CSMD3: variants seen among roughly 807,000 people sequenced by gnomAD.
CSMD3 encodes the protein CUB and sushi domain-containing protein 3.
CSMD3 carries 177 observed loss-of-function variants against 435.2 expected under a neutral mutation model. The observed-to-expected ratio is 0.41, with a 90% CI of 0.36 to 0.46. The LOEUF (loss-of-function observed/expected upper bound fraction) is 0.46, where lower values mean the gene tolerates loss of function less well. CSMD3 is among the 20% of genes least tolerant of loss of function. CSMD3 has a pLI of 0.34. For synonymous variants in CSMD3, 1,656 were observed against 1,520.5 expected, an observed-to-expected ratio of 1.09 and a Z score of -2.07; for missense variants, 4,265 against 4,504.6, an observed-to-expected ratio of 0.95 and a Z score of 1.52.
intron 38 of CSMD3, among the ~76,000 whole-genome samples, chr8:112,359,515 A>C (rs1297481390): frequency 6.6e-6 from 1 of 152,200 alleles, no homozygotes; most frequent in Non-Finnish European, 1.5e-5. Flanking sequence ...AAGAGAGTGT[A>C]TCCCTATATC....
chr8:112,799,232 T>C (rs1261610411), intron 13 of CSMD3, among the ~76,000 whole-genome samples: 1 of 129,338 alleles, frequency 7.7e-6, no homozygotes, highest in Non-Finnish European at 1.6e-5. Flanking sequence ...ACAGAATGAA[T>C]GTGTTCTGTC....
At chr8:113,234,527 G>C (rs2093126362) in intron 3 of CSMD3, among the ~76,000 whole-genome samples, 1 of 152,154 alleles carries the variant, frequency 6.6e-6, no homozygotes, top group South Asian at 2.1e-4. Flanking sequence ...TTCAAGCAGA[G>C]CAAGATGTAT....
At chr8:112,229,628 C>T (rs1812902830) in intron 69 of CSMD3, among the ~76,000 whole-genome samples, 1 of 151,994 alleles carries the variant, frequency 6.6e-6, no homozygotes, top group South Asian at 2.1e-4. Flanking sequence ...AGGGTTTCAC[C>T]ATGTTGCCCA....
chr8:113,340,358 A>G (rs1350346707), intron 1 of CSMD3, among the ~76,000 whole-genome samples: 4 of 152,098 alleles, frequency 2.6e-5, no homozygotes, highest in Non-Finnish European at 5.9e-5. Context: ...TTAATTTTAT[A>G]TATATTATAC....
At chr8:112,781,383 A>G (rs2078382103) in intron 13 of CSMD3, among the ~76,000 whole-genome samples, 1 of 152,080 alleles carries the variant, frequency 6.6e-6, no homozygotes, top group Non-Finnish European at 1.5e-5. Flanking sequence ...TTGTCTTGCA[A>G]CTTGGGTACC....
chr8:112,606,578 A>T (rs539643770), intron 22 of CSMD3, among the ~76,000 whole-genome samples: 4 of 152,314 alleles, frequency 2.6e-5, no homozygotes, highest in Admixed American at 2.6e-4. Context: ...ACCCATCAGC[A>T]GCAGAGTACA....
intron 5 of CSMD3, among the ~76,000 whole-genome samples, chr8:113,096,273 A>G (rs1486025521): frequency 6.6e-6 from 1 of 152,118 alleles, no homozygotes; most frequent in East Asian, 1.9e-4. Context: ...AGCCTTCCCA[A>G]TATTAGTTAA....
intron 7 of CSMD3, among the ~76,000 whole-genome samples, chr8:112,962,352 G>T (rs999781778): frequency 2.0e-5 from 3 of 150,784 alleles, no homozygotes; most frequent in Admixed American, 1.3e-4. Context: ...TATTTGTTTC[G>T]CACTCAACAT....
At chr8:112,457,385 G>A (rs56000487) in intron 32 of CSMD3, among the ~76,000 whole-genome samples, 29,785 of 151,930 alleles carry the variant, frequency 0.2, 3,330 homozygotes, top group Middle Eastern at 0.36. Flanking sequence ...ATTTTATCAA[G>A]AATTTACAGT....
chr8:113,085,097 T>C (rs2089710823), intron 5 of CSMD3, among the ~76,000 whole-genome samples: 1 of 152,026 alleles, frequency 6.6e-6, no homozygotes, highest in South Asian at 2.1e-4. Context: ...AATGAGACTC[T>C]ATTAAACTAA....
intron 22 of CSMD3, among the ~76,000 whole-genome samples, chr8:112,592,079 G>T (rs1831239679): frequency 6.6e-6 from 1 of 151,990 alleles, no homozygotes; most frequent in South Asian, 2.1e-4. Context: ...AGATTAATTT[G>T]TGTGTGTTTT....
At chr8:112,321,889 G>A (rs1823026725) in intron 45 of CSMD3, among the ~76,000 whole-genome samples, 1 of 152,126 alleles carries the variant, frequency 6.6e-6, no homozygotes, top group Admixed American at 6.6e-5. Flanking sequence ...AAAATGTTTG[G>A]TGGATAGTAA....
chr8:113,189,478 T>C (rs764539109), intron 3 of CSMD3, among the ~76,000 whole-genome samples: 33 of 151,804 alleles, frequency 2.2e-4, no homozygotes, highest in Non-Finnish European at 3.7e-4. Flanking sequence ...AGGATTGTAA[T>C]ATGAATTTAA....
intron 27 of CSMD3, among the ~76,000 whole-genome samples, chr8:112,537,467 A>G (rs537178560): frequency 6.6e-6 from 1 of 152,066 alleles, no homozygotes; most frequent in South Asian, 2.1e-4. Context: ...GAAAAGATAA[A>G]CTAAATTAAC....
At chr8:113,219,688 T>C (rs2092945023) in intron 3 of CSMD3, among the ~76,000 whole-genome samples, 1 of 151,440 alleles carries the variant, frequency 6.6e-6, no homozygotes, top group Non-Finnish European at 1.5e-5. Context: ...AATGTAAAGC[T>C]ATATAATAAC....
chr8:112,401,690 C>T (rs767876398), intron 35 of CSMD3, among the ~76,000 whole-genome samples: 4 of 152,058 alleles, frequency 2.6e-5, no homozygotes, highest in South Asian at 2.1e-4. Context: ...CACTGTCCTC[C>T]TAAATGGTAT....
At chr8:112,648,053 T>G (rs189713127) in intron 19 of CSMD3, among the ~76,000 whole-genome samples, 2 of 152,334 alleles carry the variant, frequency 1.3e-5, no homozygotes, top group East Asian at 1.9e-4. Flanking sequence ...CAAAAGCTGA[T>G]GTATGTTAGA....
chr8:113,160,145 G>T (rs1024548811), intron 4 of CSMD3, among the ~76,000 whole-genome samples: 1 of 151,842 alleles, frequency 6.6e-6, no homozygotes, highest in South Asian at 2.1e-4. Context: ...TAAAGTTATG[G>T]AATCAAATGT....
intron 12 of CSMD3, among the ~76,000 whole-genome samples, chr8:112,805,001 A>C (rs976521590): frequency 6.6e-6 from 1 of 152,092 alleles, no homozygotes; most frequent in African/African-American, 2.4e-5. Flanking sequence ...GAAAAGTCTT[A>C]CTTTCCATCT....
Sources: allele counts gnomAD v4.1 joint callset (sites outside exome capture counted in the v4.1 genomes callset), GRCh38; gene constraint gnomAD v4.1.1; transcripts MANE v1.5; gene names NCBI Gene and HGNC (gene_info 2026-07-23, HGNC 2026-07-21).